Variants in PRKCE observed in about 807,000 individuals in gnomAD.
The protein encoded by PRKCE is protein kinase C epsilon type.
A neutral mutation model predicts 85.4 loss-of-function variants in PRKCE; 16 were observed. The observed-to-expected ratio is 0.19, with a 90% confidence interval of 0.13 to 0.28. The LOEUF (loss-of-function observed/expected upper bound fraction) is 0.28, where lower values mean the gene tolerates loss of function less well. Among genes scored for constraint, PRKCE ranks in the 10% least tolerant of loss-of-function variants. The pLI, the probability that PRKCE is intolerant of heterozygous loss-of-function variation, is 1.00. For missense variants in PRKCE, 573 were observed against 975.2 expected (o/e 0.59, Z 5.49); for synonymous variants, 388 against 371.5 (o/e 1.04, Z -0.51).
At chr2:46,026,253 G>C (rs932921533) in intron 10 of PRKCE, among the ~76,000 whole-genome samples, 1 of 152,092 alleles carries the variant, frequency 6.6e-6, no homozygotes, top group Non-Finnish European at 1.5e-5. Context: ...GAAGTTAGAG[G>C]GTATAAAAGC....
chr2:45,922,293 A>G (rs1351889341), intron 2 of PRKCE, among the ~76,000 whole-genome samples: 3 of 152,196 alleles, frequency 2.0e-5, no homozygotes, highest in Admixed American at 2.0e-4. Flanking sequence ...TTCCTATCAT[A>G]TGCAGTGCTT....
chr2:46,063,826 AT>A (rs1667371333), intron 10 of PRKCE, among the ~76,000 whole-genome samples: 1 of 152,186 alleles, frequency 6.6e-6, no homozygotes, highest in Non-Finnish European at 1.5e-5. Flanking sequence ...TATCAAAGTC[AT>A]TTAAGATACA....
intron 1 of PRKCE, among the ~76,000 whole-genome samples, chr2:45,808,823 C>T (rs951333411): frequency 2.0e-5 from 3 of 152,112 alleles, no homozygotes; most frequent in Non-Finnish European, 2.9e-5. Context: ...TACCAGTTAG[C>T]GGGAGGGGAT....
At chr2:46,121,613 T>C (rs1306927294) in intron 11 of PRKCE, among the ~76,000 whole-genome samples, 1 of 152,198 alleles carries the variant, frequency 6.6e-6, no homozygotes, top group Non-Finnish European at 1.5e-5. Flanking sequence ...TAAAAGATAT[T>C]GACCAATTGG....
intron 2 of PRKCE, among the ~76,000 whole-genome samples, chr2:45,844,193 G>A (rs543176723): frequency 2.6e-5 from 4 of 152,236 alleles, no homozygotes; most frequent in East Asian, 1.9e-4. Flanking sequence ...ACAGGTATTC[G>A]GAAGAATTCA....
At chr2:45,944,430 G>C (rs149379108) in intron 2 of PRKCE, among the ~76,000 whole-genome samples, 3 of 152,270 alleles carry the variant, frequency 2.0e-5, no homozygotes, top group African/African-American at 7.2e-5. Context: ...AAAACTTATT[G>C]ACTCGTAAAC....
At chr2:46,103,904 G>C (rs1671470159) in intron 11 of PRKCE, among the ~76,000 whole-genome samples, 1 of 152,154 alleles carries the variant, frequency 6.6e-6, no homozygotes, top group Non-Finnish European at 1.5e-5. Flanking sequence ...GGAGGTGGAA[G>C]GGGAGGCAGG....
rs942390895 is a variant in PRKCE, at chr2:46,155,997, A to C, written c.1921-3609A>C. On this transcript the variant is annotated intron_variant, in intron 13 of 14. Transcript: ENST00000306156. The surrounding 1 kb of genome is among the most constrained non-coding windows in gnomAD (Gnocchi z 4.7). Reference sequence around the variant, plus strand: ...ATGTGCACATGTACCCTAAAACTTAAAGTATATAAAAAAAAAAAAAACTTC... The same window carrying C: ...ATGTGCACATGTACCCTAAAACTTACAGTATATAAAAAAAAAAAAAACTTC... 6.7e-6 allele frequency among the ~76,000 whole-genome samples: 1 copy of C among 149,934 alleles called. No individual in the cohort carries two copies. The highest frequency in any genetic ancestry group is 2.5e-5 in the African/African-American group (1 of 39,648).
At chr2:46,167,283 A>G (rs559662019) in intron 14 of PRKCE, among the ~76,000 whole-genome samples, 18 of 152,266 alleles carry the variant, frequency 1.2e-4, no homozygotes, top group African/African-American at 3.9e-4. Flanking sequence ...TGGGGGTTAT[A>G]AATATCTACC....
chr2:45,996,762 G>A (rs535331210), intron 6 of PRKCE, among the ~76,000 whole-genome samples: 2 of 152,010 alleles, frequency 1.3e-5, no homozygotes, highest in East Asian at 3.9e-4. Context: ...AAGATTTTTT[G>A]CATTCATATT....
intron 11 of PRKCE, among the ~76,000 whole-genome samples, chr2:46,133,678 A>G (rs1574558807): frequency 6.6e-6 from 1 of 152,014 alleles, no homozygotes; most frequent in South Asian, 2.1e-4. Context: ...CTGAGGACCA[A>G]TCATCATTTC....
chr2:45,947,306 C>T (rs757031403), intron 2 of PRKCE, among the ~76,000 whole-genome samples: 3 of 151,644 alleles, frequency 2.0e-5, no homozygotes, highest in African/African-American at 4.9e-5. Flanking sequence ...TGCCAGGAGC[C>T]AGGGGGTGGG....
At chr2:45,823,214 C>T (rs60609790) in intron 1 of PRKCE, among the ~76,000 whole-genome samples, 4,012 of 152,290 alleles carry the variant, frequency 0.026, 195 homozygotes, top group African/African-American at 0.091. Context: ...GCCTGGGATT[C>T]TTAAGGCTTG....
chr2:45,742,890 G>C (rs2104657863), intron 1 of PRKCE, among the ~76,000 whole-genome samples: 1 of 152,314 alleles, frequency 6.6e-6, no homozygotes, highest in African/African-American at 2.4e-5. Flanking sequence ...AACAACCTAA[G>C]TGTCTGTTGA....
intron 1 of PRKCE, among the ~76,000 whole-genome samples, chr2:45,831,160 A>G (rs574924931): frequency 6.6e-6 from 1 of 152,370 alleles, no homozygotes; most frequent in Admixed American, 6.5e-5. Flanking sequence ...TGAAGAATCC[A>G]TTTGAATTAG....
At chr2:45,874,596 G>T (rs1368097543) in intron 2 of PRKCE, among the ~76,000 whole-genome samples, 2 of 152,256 alleles carry the variant, frequency 1.3e-5, no homozygotes, top group African/African-American at 2.4e-5. Flanking sequence ...CACATGGGGA[G>T]GGTGTGGCCA....
intron 10 of PRKCE, among the ~76,000 whole-genome samples, chr2:46,081,137 G>A (rs139152030): frequency 7.1e-4 from 108 of 152,008 alleles, no homozygotes; most frequent in African/African-American, 1.9e-3. Flanking sequence ...AACTACAGGC[G>A]TGCACCACGA....
chr2:46,140,181 G>A (rs1433612470), intron 11 of PRKCE, among the ~76,000 whole-genome samples: 1 of 152,108 alleles, frequency 6.6e-6, no homozygotes, highest in Admixed American at 6.5e-5. Context: ...CACCAGGATT[G>A]TTTTTTAACT....
chr2:45,978,771 T>A, intron 3 of PRKCE: 12 of 518,236 alleles, frequency 2.3e-5, no homozygotes, highest in East Asian at 9.9e-5. Flanking sequence ...ACCTTGCACC[T>A]CCCCAAGCAC....
Sources: gnomAD v4.1 joint callset for allele counts (sites outside exome capture counted in the v4.1 genomes callset) on GRCh38, gnomAD v4.1.1 for gene constraint, Gnocchi (gnomAD v3.1) non-coding constraint, MANE v1.5 for transcripts, NCBI Gene and HGNC (gene_info 2026-07-23, HGNC 2026-07-21) for gene names.